VAV1: variants seen among roughly 807,000 people sequenced by gnomAD.
VAV1 encodes vav guanine nucleotide exchange factor 1, also known as proto-oncogene vav.
Under a neutral mutation model 128.1 loss-of-function variants are expected in VAV1, and 33 were observed. The observed-to-expected ratio is 0.26, with a 90% CI of 0.20 to 0.34. VAV1 has a LOEUF of 0.34. VAV1 is among the 10% of genes least tolerant of loss of function. The pLI, the probability that VAV1 is intolerant of heterozygous loss-of-function variation, is 1.00. For missense variants in VAV1, 715 were observed against 1,093.7 expected, an observed-to-expected ratio of 0.65 and a Z score of 4.88; for synonymous variants, 394 against 409.8, an observed-to-expected ratio of 0.96 and a Z score of 0.47.
Position 6,812,341 on chromosome 19 carries a change from A to G in VAV1, c.205-8361A>G, listed in dbSNP as rs370994660. 4.6e-5 allele frequency among the ~76,000 whole-genome samples: 7 copies of G among 152,206 alleles called. No homozygotes were observed. In the East Asian group the frequency reaches 1.4e-3, roughly 29 times the overall value. On this transcript the variant is annotated intron_variant, in intron 1 of 26. Transcript: ENST00000602142. ...GATGAGTGAAGATTGGAAGCTGATT[A>G]ATATCTGAGGTATTTTCCAGTTTCA...
chr19:6,800,949 G>T (rs1166546173), intron 1 of VAV1, among the ~76,000 whole-genome samples: 1 of 152,176 alleles, frequency 6.6e-6, no homozygotes, highest in Non-Finnish European at 1.5e-5. Flanking sequence ...TTTGTCGCCT[G>T]CATGGCACCA....
intron 1 of VAV1, among the ~76,000 whole-genome samples, chr19:6,776,691 C>T (rs1318844842): frequency 6.7e-6 from 1 of 149,860 alleles, no homozygotes; most frequent in Non-Finnish European, 1.5e-5. Flanking sequence ...CATCCACCCA[C>T]CCACCCATTC....
chr19:6,832,003 TG>T, intron 14 of VAV1, 87 bp from the exon 15 acceptor site: 3 of 1,085,628 alleles, frequency 2.8e-6, no homozygotes, highest in Non-Finnish European at 4.1e-6. Flanking sequence ...TGGGCTTGCC[TG>T]TTCCCTACAG....
At chr19:6,854,827 A>G (rs1315364122) in intron 26 of VAV1, among the ~76,000 whole-genome samples, 1 of 152,228 alleles carries the variant, frequency 6.6e-6, no homozygotes, top group Non-Finnish European at 1.5e-5. Flanking sequence ...CTGAAAGGCC[A>G]AACTGATTAA....
chr19:6,836,874 A>ACACACACG (rs1555704922), intron 20 of VAV1, 111 bp from the exon 21 acceptor site: 1 of 594,106 alleles, frequency 1.7e-6, no homozygotes, highest in African/African-American at 1.8e-5. Flanking sequence ...ACACACACAC[A>ACACACACG]CACACGAGTG....
In VAV1 at chr19:6,836,666, C is replaced by T. The variant is rs1599670500; in HGVS notation, c.1914+98C>T. On this transcript the variant is annotated intron_variant, in intron 20 of 26. Coordinates refer to ENST00000602142, the MANE Select transcript of VAV1 (RefSeq NM_005428.4). Reference sequence around the variant, plus strand: ...AGTTGGGTCATAGTTCCACCATGCTCTGGAGGTGATGCCTGGGGAGTGGGG... The same window carrying T: ...AGTTGGGTCATAGTTCCACCATGCTTTGGAGGTGATGCCTGGGGAGTGGGG... 6.5e-6 allele frequency: 10 copies of T among 1,529,466 alleles called. No homozygotes were observed. In the East Asian group the frequency reaches 1.8e-4, roughly 28 times the overall value. 94.7% of individuals were successfully genotyped at this position (1,529,466 alleles called of 1,614,324 possible). A position where few individuals can be genotyped will look rare whatever the true frequency, so the allele number is the denominator to read the frequency against.
chr19:6,799,764 G>A (rs1246933056), intron 1 of VAV1, among the ~76,000 whole-genome samples: 4 of 148,794 alleles, frequency 2.7e-5, no homozygotes, highest in Non-Finnish European at 5.9e-5. Context: ...AGGATTGCTT[G>A]AGCCCAGGAA....
Position 6,828,919 on chromosome 19 carries a change from G to A in VAV1, c.1265+19G>A, listed in dbSNP as rs112352813. 5.0e-4 allele frequency: 808 copies of A among 1,613,740 alleles called. 3 individuals are homozygous for A. In the African/African-American group the frequency reaches 9.3e-3, roughly 19 times the overall value. On this transcript the variant is annotated intron_variant, in intron 13 of 26. Transcript: ENST00000602142. This position sits in a 1 kb window ranked among gnomAD's most constrained non-coding sequence, Gnocchi z 4.5. ...TGGACAGGTGGGTGGAGTCAACATGGATCTGGGATGGAGCCTGGGCAAAGG... is the reference window on the plus strand; with the variant it reads ...TGGACAGGTGGGTGGAGTCAACATGAATCTGGGATGGAGCCTGGGCAAAGG...
chr19:6,801,839 T>G (rs944880666), intron 1 of VAV1, among the ~76,000 whole-genome samples: 2 of 152,130 alleles, frequency 1.3e-5, no homozygotes, highest in African/African-American at 4.8e-5. Flanking sequence ...TCTTTCTTCA[T>G]CTTGGGCAGG....
intron 25 of VAV1, among the ~76,000 whole-genome samples, chr19:6,853,473 C>T (rs1323967644): frequency 6.6e-6 from 1 of 151,860 alleles, no homozygotes; most frequent in African/African-American, 2.4e-5. Context: ...CCTGTAACTC[C>T]AGCACTTCGG....
At chr19:6,790,681 G>C (rs913692173) in intron 1 of VAV1, among the ~76,000 whole-genome samples, 2 of 152,234 alleles carry the variant, frequency 1.3e-5, no homozygotes, top group Admixed American at 1.3e-4. Context: ...CAGAGGTACT[G>C]TTCCTTGCAG....
chr19:6,834,642 TATA>T (rs1972173725), intron 19 of VAV1, among the ~76,000 whole-genome samples: 1 of 146,502 alleles, frequency 6.8e-6, no homozygotes, highest in Non-Finnish European at 1.5e-5. Flanking sequence ...ATAGTAATAA[TATA>T]TTATAATAAT....
intron 1 of VAV1, among the ~76,000 whole-genome samples, chr19:6,818,252 T>C (rs1017048046): frequency 2.0e-5 from 3 of 152,200 alleles, no homozygotes; most frequent in African/African-American, 7.2e-5. Context: ...GAAGGTGTCC[T>C]TTGAGGAAAG....
At chr19:6,778,018 C>A (rs1970682324) in intron 1 of VAV1, among the ~76,000 whole-genome samples, 1 of 152,048 alleles carries the variant, frequency 6.6e-6, no homozygotes, top group Non-Finnish European at 1.5e-5. Flanking sequence ...CTCACTGCAA[C>A]CTCCTCCTCC....
At position 6,826,082 on chromosome 19, in the gene VAV1, A is replaced by C. The variant is rs189244996; in HGVS notation, c.828-530A>C. Among the ~76,000 whole-genome samples, 73 of 152,114 alleles carry C rather than the reference A, an allele frequency of 4.8e-4. No homozygotes were observed. Among genetic ancestry groups the C allele is most frequent in the African/African-American group, 1.6e-3 (67 of 41,502 alleles). On this transcript the variant is annotated intron_variant, in intron 8 of 26. Coordinates refer to ENST00000602142, the MANE Select transcript of VAV1 (RefSeq NM_005428.4). The surrounding 1 kb of genome is among the most constrained non-coding windows in gnomAD (Gnocchi z 4.1). ...GCCAGGCGTGGTGGCTCACGCCTGT[A>C]ATTCCAGCACTTTGGGAGGCCGAGG...
At chr19:6,780,931 CAG>C (rs1224980867) in intron 1 of VAV1, among the ~76,000 whole-genome samples, 1 of 150,222 alleles carries the variant, frequency 6.7e-6, no homozygotes, top group Non-Finnish European at 1.5e-5. Context: ...TCTTTTGAGA[CAG>C]AGTCTCACTC....
At chr19:6,844,696 T>C (rs1471280063) in intron 22 of VAV1, among the ~76,000 whole-genome samples, 1 of 152,082 alleles carries the variant, frequency 6.6e-6, no homozygotes, top group African/African-American at 2.4e-5. Context: ...TGAATCGTGC[T>C]CTCCTGCGTT....
chr19:6,854,117 G>A lies in VAV1; in HGVS notation c.2484+19G>A. ...TGGCCGGGTGAGGCAGGCAGGGCTGGGTGACGGGGAGGGCATGGGGGTTGA... is the reference window on the plus strand; with the variant it reads ...TGGCCGGGTGAGGCAGGCAGGGCTGAGTGACGGGGAGGGCATGGGGGTTGA... On this transcript the variant is annotated intron_variant, in intron 26 of 26. Coordinates refer to ENST00000602142, the MANE Select transcript of VAV1 (RefSeq NM_005428.4). 1 of 1,611,140 alleles carries A rather than the reference G, an allele frequency of 6.2e-7. No individual in the cohort carries two copies. The highest frequency in any genetic ancestry group is 8.5e-7 in the Non-Finnish European group (1 of 1,179,664).
Position 6,828,534 on chromosome 19 carries a change from C to T in VAV1, c.1092+47C>T, listed in dbSNP as rs752547196. 16 of 1,613,732 alleles carry T rather than the reference C, an allele frequency of 9.9e-6. No individual in the cohort carries two copies. The highest frequency in any genetic ancestry group is 3.3e-4 in the Middle Eastern group (2 of 6,082). ...GTGACTCACCTGCTGCAGACACCCT[C>T]CTGGTAGGGGCTGATCCTCTAGCCG... On this transcript the variant is annotated intron_variant, in intron 11 of 26. Transcript: ENST00000602142. The surrounding 1 kb of genome is among the most constrained non-coding windows in gnomAD (Gnocchi z 4.5).
Sources: allele counts gnomAD v4.1 joint callset (sites outside exome capture counted in the v4.1 genomes callset), GRCh38; gene constraint gnomAD v4.1.1; non-coding constraint Gnocchi (gnomAD v3.1); transcripts MANE v1.5; gene names NCBI Gene and HGNC (gene_info 2026-07-23, HGNC 2026-07-21).